Variants in LAMA4 observed in about 807,000 individuals in gnomAD.
LAMA4 encodes laminin subunit alpha-4.
In LAMA4, 127 loss-of-function variants were observed where a neutral mutation model predicts 207.1. That is an observed-to-expected ratio of 0.61 (90% CI 0.53 to 0.71). The LOEUF is 0.71. LAMA4 is among the 30% of genes least tolerant of loss of function. The pLI is 0.00. For synonymous variants in LAMA4, 761 were observed against 816.0 expected, an observed-to-expected ratio of 0.93 and a Z score of 1.15; for missense variants, 2,093 against 2,246.5, an observed-to-expected ratio of 0.93 and a Z score of 1.38.
rs371848733 is a variant in LAMA4, at chr6:112,191,723, T to G, written c.631A>C (p.Asn211His). 1.9e-5 allele frequency: 31 copies of G among 1,614,072 alleles called. No individual in the cohort carries two copies. In the African/African-American group the frequency reaches 2.0e-4, roughly 10 times the overall value. ...DCDEVTGQCR[N>H]CLRNTTGFKC... The stretch of plus-strand genomic sequence containing the variant: ...AATCCGGTGGTGTTGCGTAAGCAAT[T>G]CCTACACTGGCCAGTGACTTCATCA... The change falls in exon 6 of 39, where the codon AAT becomes CAT. Residue 211 changes from asparagine to histidine, a missense_variant. By Grantham distance (68) the Asn-to-His change is moderately conservative. Transcript: ENST00000230538.
chr6:112,155,353 A>C (rs1780645242), intron 15 of LAMA4: 1 of 603,882 alleles, frequency 1.7e-6, no homozygotes. Context: ...TGTCAAAGGA[A>C]CTGGCATTTG....
chr6:112,158,580 C>G (rs1454238951), intron 14 of LAMA4, 152 bp downstream of exon 14: 1 of 759,938 alleles, frequency 1.3e-6, no homozygotes, highest in East Asian at 2.8e-5. Context: ...AACCAAGGAA[C>G]CAACCAACCA....
chr6:112,136,274 G>GT lies in LAMA4; in HGVS notation c.3283-21dup. The GT allele has an allele frequency of 6.3e-7, 1 of 1,586,700 alleles. No homozygotes were observed. Among genetic ancestry groups the GT allele is most frequent in the Non-Finnish European group, 8.6e-7 (1 of 1,157,248 alleles). ...CATACTCTGAGGAGAGAAAGGAATT[G>GT]TAAGATAGGAACATCTGTTATGCGA... is the stretch of plus-strand genomic sequence containing the variant. On this transcript the variant is annotated intron_variant, in intron 24 of 38. Coordinates refer to ENST00000230538, the MANE Select transcript of LAMA4 (RefSeq NM_001105206.3).
intron 9 of LAMA4, among the ~76,000 whole-genome samples, chr6:112,183,190 T>C (rs1554345700): frequency 6.6e-6 from 1 of 152,232 alleles, no homozygotes; most frequent in East Asian, 1.9e-4. Context: ...AAGCCAAATA[T>C]TAGTTACTTT....
chr6:112,161,402 T>C (rs1411302184), intron 13 of LAMA4, among the ~76,000 whole-genome samples: 3 of 152,216 alleles, frequency 2.0e-5, no homozygotes, highest in Non-Finnish European at 1.5e-5. Flanking sequence ...GGAGGCAGTA[T>C]TAAACCTCTA....
intron 12 of LAMA4, among the ~76,000 whole-genome samples, chr6:112,168,023 C>T (rs1781486605): frequency 6.6e-6 from 1 of 151,874 alleles, no homozygotes; most frequent in African/African-American, 2.4e-5. Flanking sequence ...CTGGTGAAAC[C>T]CCATCTCTAC....
chr6:112,113,991 A>C, intron 38 of LAMA4, 85 bp downstream of exon 38: 5 of 1,527,692 alleles, frequency 3.3e-6, no homozygotes, highest in South Asian at 1.1e-5. Context: ...GTGCATCATA[A>C]AAACACATGG....
At chr6:112,150,284 CTCAAA>C (rs1780314004) in intron 17 of LAMA4, among the ~76,000 whole-genome samples, 2 of 151,882 alleles carry the variant, frequency 1.3e-5, no homozygotes, top group South Asian at 2.1e-4. Context: ...AAAAAAGGCT[CTCAAA>C]TCTAAAGGTC....
Position 112,178,248 on chromosome 6 carries a change from A to G in LAMA4, c.1078-16T>C. 6.4e-7 allele frequency: 1 copy of G among 1,557,974 alleles called. No individual in the cohort carries two copies. Among genetic ancestry groups the G allele is most frequent in the South Asian group, 1.1e-5 (1 of 89,868 alleles). On this transcript the variant is annotated splice_polypyrimidine_tract_variant and intron_variant, in intron 9 of 38. Transcript: ENST00000230538. ...CTTGATTTTCCTACAAATAATCCGT[A>G]TAAAGGCTAGATTAAATGTATGAGA...
chr6:112,147,222 T>C (rs544701881), intron 18 of LAMA4, among the ~76,000 whole-genome samples: 37 of 152,300 alleles, frequency 2.4e-4, no homozygotes, highest in Non-Finnish European at 4.7e-4. Context: ...AATGTAATAA[T>C]TGAATTTCAT....
intron 5 of LAMA4, among the ~76,000 whole-genome samples, chr6:112,198,065 T>C (rs554234761): frequency 6.6e-6 from 1 of 152,326 alleles, no homozygotes; most frequent in South Asian, 2.1e-4. Flanking sequence ...AATACTTCCC[T>C]AGTATGAGAG....
At chr6:112,186,631 A>G (rs1782698251) in intron 8 of LAMA4, 3 of 367,692 alleles carry the variant, frequency 8.2e-6, no homozygotes, top group South Asian at 6.7e-5. Flanking sequence ...ATGTATGCAC[A>G]TCCTCCAGAA....
chr6:112,226,514 G>A (rs1785222351), intron 2 of LAMA4, among the ~76,000 whole-genome samples: 1 of 152,058 alleles, frequency 6.6e-6, no homozygotes. Flanking sequence ...CACTCACATG[G>A]CACCTTGCAC....
At position 112,207,030 on chromosome 6, in the gene LAMA4, T is replaced by TGGGGCAG. The variant is rs1784096576; in HGVS notation, c.406_412dup (p.His138ProfsTer13). Reference sequence around the variant, plus strand: ...CTCCTTTAGGACTTACTTGGCCAAGTGGGGCAGGGGACAGGGGCACGGCTG... The same window carrying TGGGGCAG: ...CTCCTTTAGGACTTACTTGGCCAAGTGGGGCAGGGGGCAGGGGACAGGGGCACGGCTG... On this transcript the variant is annotated frameshift_variant, in exon 4 of 39. Transcript: ENST00000230538. LOFTEE classifies it high-confidence loss of function. 6.2e-7 allele frequency: 1 copy of TGGGGCAG among 1,613,592 alleles called. No homozygotes were observed. The highest frequency in any genetic ancestry group is 8.5e-7 in the Non-Finnish European group (1 of 1,179,892).
intron 20 of LAMA4, 73 bp downstream of exon 20, chr6:112,142,046 C>T (rs935168032): frequency 1.3e-6 from 2 of 1,537,276 alleles, no homozygotes; most frequent in African/African-American, 2.7e-5. Flanking sequence ...GCCTAGGTGG[C>T]TTTATTTTAG....
chr6:112,216,603 A>T, intron 2 of LAMA4, 134 bp from the exon 3 acceptor site: 1 of 699,002 alleles, frequency 1.4e-6, no homozygotes, highest in South Asian at 1.5e-5. Flanking sequence ...AATGATACAT[A>T]CAAAACATAC....
Position 112,122,215 on chromosome 6 carries a change from C to T in LAMA4, c.4288-14G>A, listed in dbSNP as rs921663991. ...ACTTTTCCCTCCCTATAAAAGTAAA[C>T]CAAATTAAGGGATAAAAGTGACATA... is the stretch of plus-strand genomic sequence containing the variant. On this transcript the variant is annotated splice_polypyrimidine_tract_variant and intron_variant, in intron 31 of 38. Transcript: ENST00000230538. 6.2e-7 allele frequency: 1 copy of T among 1,606,934 alleles called. No homozygotes were observed. The highest frequency in any genetic ancestry group is 8.5e-7 in the Non-Finnish European group (1 of 1,173,944).
chr6:112,114,340 A>T lies in LAMA4; in HGVS notation c.5207-145T>A. ...TTCTATATTATTAAAATCATCAATG[A>T]TGTCTAACAATGTCTAACCAAGAGA... On this transcript the variant is annotated intron_variant, in intron 37 of 38. Coordinates refer to ENST00000230538, the MANE Select transcript of LAMA4 (RefSeq NM_001105206.3). 4.0e-6 allele frequency: 3 copies of T among 757,480 alleles called. No individual in the cohort carries two copies. In the South Asian group the frequency reaches 5.0e-5, roughly 13 times the overall value. The allele number at this position is 757,480 out of a possible 1,614,324, so 46.9% of individuals were successfully genotyped here.
At chr6:112,197,127 T>G (rs1022374615) in intron 5 of LAMA4, among the ~76,000 whole-genome samples, 2 of 152,212 alleles carry the variant, frequency 1.3e-5, no homozygotes, top group Non-Finnish European at 2.9e-5. Flanking sequence ...ACCCAGTAAG[T>G]ACTTAATAAA....
Sources: gnomAD v4.1 joint callset for allele counts (sites outside exome capture counted in the v4.1 genomes callset) on GRCh38, gnomAD v4.1.1 for gene constraint, MANE v1.5 for transcripts, NCBI Gene and HGNC (gene_info 2026-07-23, HGNC 2026-07-21) for gene names.